The following CSMD1 variants were observed in gnomAD, a reference collection of about 807,000 sequenced individuals.
CSMD1 encodes the protein CUB and sushi domain-containing protein 1.
In CSMD1, 213 loss-of-function variants were observed where a neutral mutation model predicts 417.5. The observed-to-expected ratio is 0.51, with a 90% CI of 0.46 to 0.57. The LOEUF is 0.57. Ranked by LOEUF, CSMD1 falls within the 20% of genes least tolerant of loss-of-function variation. The probability of loss-of-function intolerance (pLI) is 0.00; values close to 1 mark genes in which losing one functional copy is unlikely to be tolerated. For missense variants in CSMD1, 6,923 were observed against 4,529.7 expected, an observed-to-expected ratio of 1.53 and a Z score of -15.17; for synonymous variants, 2,862 against 1,736.8, an observed-to-expected ratio of 1.65 and a Z score of -16.11.
In CSMD1 at chr8:3,109,037, G is replaced by C. The variant is rs556863878; in HGVS notation, c.6609-289C>G. On this transcript the variant is annotated intron_variant, in intron 43 of 69. Coordinates refer to ENST00000635120, the MANE Select transcript of CSMD1 (RefSeq NM_033225.6). ...CCCAGCACTTTGGGAGGCCAAGGCAGGCAGATCACCTGAGGTCAGGAGTTT... is the reference window on the plus strand; with the variant it reads ...CCCAGCACTTTGGGAGGCCAAGGCACGCAGATCACCTGAGGTCAGGAGTTT... Among the ~76,000 whole-genome samples, 12 of 152,302 alleles carry C rather than the reference G, an allele frequency of 7.9e-5. No individual in the cohort carries two copies. The East Asian group carries it at 1.7e-3, about 22-fold the overall frequency.
At chr8:3,994,998 G>A (rs1181420311) in intron 5 of CSMD1, among the ~76,000 whole-genome samples, 1 of 152,106 alleles carries the variant, frequency 6.6e-6, no homozygotes, top group African/African-American at 2.4e-5. Flanking sequence ...CTGTGCTTGG[G>A]AAGAGGTCGC....
rs536318995 is a variant in CSMD1 at position 4,899,644 on chromosome 8, T to C, written c.85+94688A>G. On this transcript the variant is annotated intron_variant, in intron 1 of 69. Coordinates refer to ENST00000635120, the MANE Select transcript of CSMD1 (RefSeq NM_033225.6). ...AACATATAGGGTTTTGTCTGTAGTTTTGCAAAAATATAAGATGACCATGTC... is the reference window on the plus strand; with the variant it reads ...AACATATAGGGTTTTGTCTGTAGTTCTGCAAAAATATAAGATGACCATGTC... Among the ~76,000 whole-genome samples the C allele has an allele frequency of 4.3e-4, 65 of 152,278 alleles. 2 individuals are homozygous for C. The highest frequency in any genetic ancestry group is 6.8e-3 in the Middle Eastern group (2 of 294).
chr8:3,299,860 G>C (rs189872258), intron 25 of CSMD1, among the ~76,000 whole-genome samples: 1 of 152,326 alleles, frequency 6.6e-6, no homozygotes, highest in South Asian at 2.1e-4. Context: ...GTTTCAGAGA[G>C]AATGTAGAGA....
intron 3 of CSMD1, among the ~76,000 whole-genome samples, chr8:4,359,660 G>A (rs75311763): frequency 6.6e-6 from 1 of 152,162 alleles, no homozygotes; most frequent in Non-Finnish European, 1.5e-5. Context: ...AATGTGTGTG[G>A]TTGATTCTGG....
chr8:3,941,675 T>C (rs1810893010), intron 5 of CSMD1, among the ~76,000 whole-genome samples: 1 of 152,308 alleles, frequency 6.6e-6, no homozygotes, highest in Middle Eastern at 3.4e-3. Context: ...ACGCAGAGTT[T>C]GACTAGAATG....
intron 3 of CSMD1, among the ~76,000 whole-genome samples, chr8:4,066,556 A>C (rs1056269742): frequency 3.3e-5 from 5 of 152,178 alleles, no homozygotes; most frequent in Non-Finnish European, 7.3e-5. Context: ...ACCATTAAAG[A>C]CTTGTTACAT....
chr8:4,760,636 A>C (rs927998833), intron 1 of CSMD1, among the ~76,000 whole-genome samples: 4 of 152,220 alleles, frequency 2.6e-5, no homozygotes, highest in African/African-American at 7.2e-5. Context: ...ATATTGTTGT[A>C]TAAGTATGCT....
At chr8:4,308,152 G>C (rs1051195905) in intron 3 of CSMD1, among the ~76,000 whole-genome samples, 1 of 152,168 alleles carries the variant, frequency 6.6e-6, no homozygotes, top group Non-Finnish European at 1.5e-5. Context: ...AAACAAGAGC[G>C]TTTCTTCGAA....
intron 1 of CSMD1, among the ~76,000 whole-genome samples, chr8:4,915,901 G>T (rs796266596): frequency 2.6e-5 from 4 of 152,328 alleles, no homozygotes; most frequent in African/African-American, 9.6e-5. Flanking sequence ...TGCCAGGCAG[G>T]AGTGGCTCTT....
chr8:3,540,429 C>G (rs540391165), intron 10 of CSMD1, among the ~76,000 whole-genome samples: 8 of 152,204 alleles, frequency 5.3e-5, no homozygotes, highest in Admixed American at 1.3e-4. Flanking sequence ...TATAAAAACC[C>G]TAGAATAAAA....
intron 5 of CSMD1, among the ~76,000 whole-genome samples, chr8:3,894,166 C>G (rs544962720): frequency 1.3e-5 from 2 of 152,300 alleles, no homozygotes; most frequent in African/African-American, 2.4e-5. Context: ...CTATGCTACA[C>G]TTCTTTTGCT....
chr8:4,970,956 A>G (rs75228019), intron 1 of CSMD1, among the ~76,000 whole-genome samples: 3,724 of 152,208 alleles, frequency 0.024, 139 homozygotes, highest in African/African-American at 0.085. Flanking sequence ...ATATGATATC[A>G]GTGTGTTTAC....
chr8:3,002,949 G>C lies in CSMD1; in HGVS notation c.8030-2818C>G, dbSNP rs549473372. ...TACCTCCTTGCCTGAAGAAAAAAAA[G>C]TTATGTATCAGCAGGATTGCCTAGT... On this transcript the variant is annotated intron_variant, in intron 52 of 69. Transcript: ENST00000635120. Among the ~76,000 whole-genome samples, 12 of 152,318 alleles carry C rather than the reference G, an allele frequency of 7.9e-5. No homozygotes were observed. In the South Asian group the frequency reaches 1.9e-3, roughly 24 times the overall value.
At chr8:3,645,407 C>T (rs1797526646) in intron 7 of CSMD1, among the ~76,000 whole-genome samples, 1 of 152,164 alleles carries the variant, frequency 6.6e-6, no homozygotes, top group Non-Finnish European at 1.5e-5. Context: ...CTTCGGGTGT[C>T]TGGGTACCTT....
Position 4,164,035 on chromosome 8 carries a change from A to C in CSMD1, c.416-131936T>G, listed in dbSNP as rs534427427. On this transcript the variant is annotated intron_variant, in intron 3 of 69. Coordinates refer to ENST00000635120, the MANE Select transcript of CSMD1 (RefSeq NM_033225.6). ...AATAAGCAGAGTAAGCTGTTGGTAC[A>C]TGTGTCATTCCCTTCTCTTCTTTAT... 6.2e-4 allele frequency among the ~76,000 whole-genome samples: 95 copies of C among 152,304 alleles called. No individual in the cohort carries two copies. The South Asian group carries it at 0.019, about 31-fold the overall frequency.
chr8:4,459,227 G>A (rs911710007), intron 2 of CSMD1, among the ~76,000 whole-genome samples: 2 of 152,210 alleles, frequency 1.3e-5, no homozygotes, highest in African/African-American at 4.8e-5. Flanking sequence ...TATGTAGGAG[G>A]TATGGGAGGC....
intron 1 of CSMD1, among the ~76,000 whole-genome samples, chr8:4,933,450 A>T (rs1807392159): frequency 6.6e-6 from 1 of 152,234 alleles, no homozygotes; most frequent in Non-Finnish European, 1.5e-5. Context: ...AAGAAAATTA[A>T]TTTCAAAGCC....
intron 7 of CSMD1, among the ~76,000 whole-genome samples, chr8:3,656,625 C>T (rs1004717685): frequency 1.3e-5 from 2 of 152,264 alleles, no homozygotes; most frequent in African/African-American, 4.8e-5. Context: ...GTGCAGCTGT[C>T]TTTCTATTAC....
intron 5 of CSMD1, among the ~76,000 whole-genome samples, chr8:3,994,314 C>G (rs563788632): frequency 6.6e-6 from 1 of 152,076 alleles, no homozygotes; most frequent in South Asian, 2.1e-4. Flanking sequence ...CAAGACTATA[C>G]AACCTTAATC....
Sources: allele counts gnomAD v4.1 joint callset (sites outside exome capture counted in the v4.1 genomes callset), GRCh38; gene constraint gnomAD v4.1.1; transcripts MANE v1.5; gene names NCBI Gene and HGNC (gene_info 2026-07-23, HGNC 2026-07-21).